Variants in IMMP2L observed in about 807,000 individuals in gnomAD.
IMMP2L encodes the protein mitochondrial inner membrane protease subunit 2.
A neutral mutation model predicts 19.3 loss-of-function variants in IMMP2L; 18 were observed. The ratio of observed to expected loss-of-function variants is 0.93; its 90% CI spans 0.64 to 1.38. IMMP2L has a LOEUF of 1.38. Ranked by LOEUF, IMMP2L falls within the 40% of genes most tolerant of loss-of-function variation. The pLI is 0.00. For synonymous variants in IMMP2L, 76 were observed against 73.0 expected, an observed-to-expected ratio of 1.04 and a Z score of -0.21; for missense variants, 233 against 218.2, an observed-to-expected ratio of 1.07 and a Z score of -0.43.
chr7:110,943,125 T>C (rs1017899469), intron 4 of IMMP2L, among the ~76,000 whole-genome samples: 3 of 151,998 alleles, frequency 2.0e-5, no homozygotes, highest in Admixed American at 1.3e-4. Context: ...TTTCACGCTG[T>C]CCCAACTCCA....
At chr7:111,116,479 C>T (rs1301476208) in intron 3 of IMMP2L, among the ~76,000 whole-genome samples, 1 of 152,054 alleles carries the variant, frequency 6.6e-6, no homozygotes, top group Non-Finnish European at 1.5e-5. Context: ...ATACATTTTA[C>T]TATATAAATT....
intron 3 of IMMP2L, among the ~76,000 whole-genome samples, chr7:111,299,328 C>A (rs901250993): frequency 6.6e-6 from 1 of 152,102 alleles, no homozygotes; most frequent in Non-Finnish European, 1.5e-5. Flanking sequence ...GGCCAGAATA[C>A]CAAACAGTGG....
chr7:111,015,321 A>T (rs534397222), intron 3 of IMMP2L, among the ~76,000 whole-genome samples: 93 of 152,210 alleles, frequency 6.1e-4, no homozygotes, highest in Non-Finnish European at 9.7e-4. Flanking sequence ...CAAATACTGT[A>T]TGATTCCATT....
intron 5 of IMMP2L, among the ~76,000 whole-genome samples, chr7:110,685,301 C>T (rs575638979): frequency 3.3e-5 from 5 of 152,254 alleles, no homozygotes; most frequent in African/African-American, 1.2e-4. Context: ...TAACTTCTTT[C>T]ATTCTTCCTT....
chr7:110,813,087 C>T (rs987960285), intron 5 of IMMP2L, among the ~76,000 whole-genome samples: 5 of 151,950 alleles, frequency 3.3e-5, no homozygotes, highest in Non-Finnish European at 7.4e-5. Flanking sequence ...TATTTTACCA[C>T]TAACCTCTTT....
intron 3 of IMMP2L, among the ~76,000 whole-genome samples, chr7:111,325,241 A>G (rs536467366): frequency 1.3e-5 from 2 of 151,854 alleles, no homozygotes; most frequent in South Asian, 4.1e-4. Flanking sequence ...TTTAACTTTT[A>G]ATATAACACT....
At chr7:111,305,068 C>A (rs61230935) in intron 3 of IMMP2L, among the ~76,000 whole-genome samples, 65,598 of 151,704 alleles carry the variant, frequency 0.43, 14,919 homozygotes, top group Non-Finnish European at 0.51. Context: ...AATAGAGAAA[C>A]TTTGTCTTGT....
At chr7:111,004,897 G>A (rs1824130595) in intron 3 of IMMP2L, among the ~76,000 whole-genome samples, 1 of 152,042 alleles carries the variant, frequency 6.6e-6, no homozygotes, top group Admixed American at 6.6e-5. Flanking sequence ...CAGGGTAGAT[G>A]TACAAAGAAA....
rs1198072598 is a variant in IMMP2L at position 111,503,475 on chromosome 7, C to T, written c.136-16134G>A. On this transcript the variant is annotated intron_variant, in intron 2 of 5. Transcript: ENST00000405709. ...ATCCTCCCTAACTCATTTTAGGAGGCCAGCATCATCCTGATACCAAAGCCT... is the reference window on the plus strand; with the variant it reads ...ATCCTCCCTAACTCATTTTAGGAGGTCAGCATCATCCTGATACCAAAGCCT... Among the ~76,000 whole-genome samples the T allele has an allele frequency of 4.6e-5, 7 of 152,222 alleles. No individual in the cohort carries two copies. The South Asian group carries it at 8.3e-4, about 18-fold the overall frequency.
chr7:111,345,553 G>T (rs1827455028), intron 3 of IMMP2L, among the ~76,000 whole-genome samples: 1 of 152,140 alleles, frequency 6.6e-6, no homozygotes, highest in South Asian at 2.1e-4. Flanking sequence ...TACAGGAATT[G>T]GTTACCACAG....
chr7:110,674,590 AGAT>A (rs1177991546), intron 5 of IMMP2L, among the ~76,000 whole-genome samples: 8 of 152,254 alleles, frequency 5.3e-5, no homozygotes, highest in African/African-American at 1.9e-4. Flanking sequence ...AGCAGCAGTC[AGAT>A]GATATTTATT....
chr7:111,483,931 T>C (rs1842406176), intron 3 of IMMP2L, among the ~76,000 whole-genome samples: 1 of 152,162 alleles, frequency 6.6e-6, no homozygotes, highest in African/African-American at 2.4e-5. Flanking sequence ...CTCTGAGAAG[T>C]GCTACTGCAA....
intron 3 of IMMP2L, among the ~76,000 whole-genome samples, chr7:111,290,644 T>C (rs148929686): frequency 5.9e-5 from 9 of 152,114 alleles, no homozygotes; most frequent in African/African-American, 1.9e-4. Context: ...AAGCCCAAAA[T>C]AGGCAACTGA....
At chr7:111,030,051 A>G (rs924565228) in intron 3 of IMMP2L, among the ~76,000 whole-genome samples, 3 of 152,148 alleles carry the variant, frequency 2.0e-5, no homozygotes, top group Non-Finnish European at 2.9e-5. Context: ...TTCTTTCCAG[A>G]AAGCCAGACT....
intron 3 of IMMP2L, among the ~76,000 whole-genome samples, chr7:111,281,180 A>AG (rs1457637983): frequency 1.7e-5 from 1 of 58,492 alleles, no homozygotes; most frequent in African/African-American, 7.1e-5. Context: ...GAAAGAAAGA[A>AG]AGAAAGAAAG....
At chr7:111,260,503 T>C (rs543768701) in intron 3 of IMMP2L, among the ~76,000 whole-genome samples, 1 of 152,278 alleles carries the variant, frequency 6.6e-6, no homozygotes, top group Admixed American at 6.5e-5. Flanking sequence ...AGGTAATTCA[T>C]TTTTAGACCT....
At chr7:111,053,945 A>G (rs1433450388) in intron 3 of IMMP2L, among the ~76,000 whole-genome samples, 1 of 152,170 alleles carries the variant, frequency 6.6e-6, no homozygotes, top group Non-Finnish European at 1.5e-5. Context: ...GTAGTGAGGT[A>G]AGGTAATAAA....
At chr7:111,122,986 C>A in intron 3 of IMMP2L, 1 of 1,613,994 alleles carries the variant, frequency 6.2e-7, no homozygotes. Context: ...AGCTAACACA[C>A]AGATTCTTCT....
At chr7:111,062,726 C>G (rs1305478555) in intron 3 of IMMP2L, among the ~76,000 whole-genome samples, 1 of 152,174 alleles carries the variant, frequency 6.6e-6, no homozygotes, top group African/African-American at 2.4e-5. Flanking sequence ...AAAGGAGATA[C>G]AGGCCTCATG....
Sources: gnomAD v4.1 joint callset for allele counts (sites outside exome capture counted in the v4.1 genomes callset) on GRCh38, gnomAD v4.1.1 for gene constraint, MANE v1.5 for transcripts, NCBI Gene and HGNC (gene_info 2026-07-23, HGNC 2026-07-21) for gene names.